The following PDS5A variants were observed in gnomAD, a reference collection of about 807,000 sequenced individuals.
PDS5A encodes PDS5 cohesin associated factor A.
A neutral mutation model predicts 167.1 loss-of-function variants in PDS5A; 42 were observed. That is an observed-to-expected ratio of 0.25 (90% CI 0.20 to 0.33). The LOEUF is 0.33. PDS5A is among the 10% of genes least tolerant of loss of function. PDS5A has a pLI of 1.00. For synonymous variants in PDS5A, 553 were observed against 554.6 expected (o/e 1.00, Z 0.04); for missense variants, 1,033 against 1,605.9 (o/e 0.64, Z 6.10).
At chr4:39,976,667 CTCT>C in intron 1 of PDS5A, 50 bp from the exon 2 acceptor site, 6 of 952,188 alleles carry the variant, frequency 6.3e-6, no homozygotes, top group Non-Finnish European at 6.3e-6. Flanking sequence ...ACTTTGTAAC[CTCT>C]TTTTTCATTT....
At chr4:39,930,938 G>T (rs776998745) in intron 2 of PDS5A, among the ~76,000 whole-genome samples, 1 of 152,154 alleles carries the variant, frequency 6.6e-6, no homozygotes, top group Non-Finnish European at 1.5e-5. Flanking sequence ...ACAAAAGAAA[G>T]AATGCAATCA....
At chr4:39,953,201 C>T (rs781450148) in intron 2 of PDS5A, among the ~76,000 whole-genome samples, 2 of 152,138 alleles carry the variant, frequency 1.3e-5, no homozygotes, top group East Asian at 1.9e-4. Flanking sequence ...ACACAACAAC[C>T]GCTCCACTAC....
chr4:39,946,093 T>C (rs1727731278), intron 2 of PDS5A, among the ~76,000 whole-genome samples: 1 of 150,668 alleles, frequency 6.6e-6, no homozygotes, highest in Non-Finnish European at 1.5e-5. Context: ...TGTAATCCCA[T>C]ATACTTGGGA....
chr4:39,906,921 A>ATT (rs367865107), intron 11 of PDS5A, among the ~76,000 whole-genome samples: 6 of 88,782 alleles, frequency 6.8e-5, no homozygotes, highest in East Asian at 6.1e-4. Context: ...CTTACATAAA[A>ATT]AAAAAAAAAA....
At position 39,866,997 on chromosome 4, in the gene PDS5A, C is replaced by A; in HGVS notation, c.2506G>T (p.Val836Leu). Residue 836 changes from valine to leucine, a missense_variant and splice_region_variant, in exon 23 of 33, where the codon GTA (valine) becomes TTA (leucine). This residue lies in a region of PDS5A where 367 missense variants were observed against 686.7 expected (regional missense o/e 0.53). Transcript: ENST00000303538. Reference protein sequence around the residue: ...EEVSPEVLAKVQAIKLLVRWL... With the variant: ...EEVSPEVLAKLQAIKLLVRWL... Reference sequence around the variant, plus strand: ...CTTACCAGAAGTTTAATTGCCTGTACCTATAAAATATTAACATGCTAAAAA... The same window carrying A: ...CTTACCAGAAGTTTAATTGCCTGTAACTATAAAATATTAACATGCTAAAAA... The A allele has an allele frequency of 6.3e-7, 1 of 1,589,030 alleles. No individual in the cohort carries two copies. The highest frequency in any genetic ancestry group is 8.5e-7 in the Non-Finnish European group (1 of 1,171,214).
At chr4:39,836,483 G>A (rs1716399738) in intron 32 of PDS5A, among the ~76,000 whole-genome samples, 1 of 152,112 alleles carries the variant, frequency 6.6e-6, no homozygotes, top group Non-Finnish European at 1.5e-5. Flanking sequence ...CGCCCAGGCT[G>A]GAGTGCAATG....
chr4:39,940,798 A>G (rs1329942953), intron 2 of PDS5A, among the ~76,000 whole-genome samples: 1 of 152,218 alleles, frequency 6.6e-6, no homozygotes, highest in African/African-American at 2.4e-5. Context: ...GTCTACAGGC[A>G]TGTGCCACTA....
chr4:39,844,818 A>G lies in PDS5A; in HGVS notation c.3403-17T>C, dbSNP rs1304066394. The G allele has an allele frequency of 6.3e-7, 1 of 1,587,876 alleles. No individual in the cohort carries two copies. Among genetic ancestry groups the G allele is most frequent in the Non-Finnish European group, 8.5e-7 (1 of 1,172,790 alleles). ...AGGCTTTGGCTAAAAACAAAAACAA[A>G]AAACCCCCCAAAAACACACACGTTT... On this transcript the variant is annotated splice_polypyrimidine_tract_variant and intron_variant, in intron 29 of 32. Transcript: ENST00000303538.
At chr4:39,922,557 T>A in intron 6 of PDS5A, 65 bp downstream of exon 6, 14 of 1,351,180 alleles carry the variant, frequency 1.0e-5, no homozygotes, top group Non-Finnish European at 1.4e-5. Context: ...ATAAAACAAC[T>A]GTTCATTCTT....
chr4:39,940,688 G>T (rs1281744751), intron 2 of PDS5A, among the ~76,000 whole-genome samples: 1 of 150,536 alleles, frequency 6.6e-6, no homozygotes, highest in Non-Finnish European at 1.5e-5. Flanking sequence ...TGGAGACAGG[G>T]TCTTGCTTTG....
chr4:39,846,151 T>C (rs539668391), intron 28 of PDS5A: 1 of 210,690 alleles, frequency 4.7e-6, no homozygotes, highest in East Asian at 1.1e-4. Flanking sequence ...CATGTTTTCA[T>C]ACGGTTCAAT....
At chr4:39,923,351 A>G (rs1725172373) in intron 5 of PDS5A, among the ~76,000 whole-genome samples, 1 of 151,598 alleles carries the variant, frequency 6.6e-6, no homozygotes, top group East Asian at 1.9e-4. Context: ...AAAAAAGAAA[A>G]AAAAAAGGAA....
In PDS5A at chr4:39,845,885, T is replaced by TAAA; in HGVS notation, c.3340-8_3340-6dup. Reference sequence around the variant, plus strand: ...ACTCTTATCGTTACAGAAGTCCTATTAAAAAAAAAAAAGAAAAAGAAAAAA... The same window carrying TAAA: ...ACTCTTATCGTTACAGAAGTCCTATTAAAAAAAAAAAAAAAGAAAAAGAAAAAA... On this transcript the variant is annotated splice_region_variant and splice_polypyrimidine_tract_variant and intron_variant, in intron 28 of 32. Transcript: ENST00000303538. The TAAA allele has an allele frequency of 1.0e-5, 10 of 1,004,252 alleles. No homozygotes were observed. Among genetic ancestry groups the TAAA allele is most frequent in the South Asian group, 4.9e-5 (2 of 41,118 alleles). The allele number at this position is 1,004,252 out of a possible 1,614,324, so 62.2% of individuals were successfully genotyped here.
chr4:39,824,313 GC>G lies in PDS5A; in HGVS notation c.*1171del, dbSNP rs1308847805. The stretch of plus-strand genomic sequence containing the variant: ...ATATGATAAAAAGATTAAAAAGACT[GC>G]CATGACATCTAGAAGCATTTATTTT... On this transcript the variant is annotated 3_prime_UTR_variant, in exon 33 of 33. Transcript: ENST00000303538. 15 of 152,120 alleles carry G rather than the reference GC, an allele frequency of 9.9e-5. No individual in the cohort carries two copies. The highest frequency in any genetic ancestry group is 3.6e-4 in the African/African-American group (15 of 41,430). 9.4% of individuals were successfully genotyped at this position (152,120 alleles called of 1,614,324 possible). A position where few individuals can be genotyped will look rare whatever the true frequency, so the allele number is the denominator to read the frequency against.
chr4:39,973,820 C>A (rs112879456), intron 2 of PDS5A: 55,492 of 1,171,608 alleles, frequency 0.047, 1,468 homozygotes, highest in Non-Finnish European at 0.053. Context: ...GCAGCTATTC[C>A]ACAGACTCAG....
At chr4:39,914,147 T>C (rs1041494383) in intron 8 of PDS5A, among the ~76,000 whole-genome samples, 3 of 151,008 alleles carry the variant, frequency 2.0e-5, no homozygotes, top group Non-Finnish European at 2.9e-5. Context: ...AATTAAAGTT[T>C]TGATATACAA....
chr4:39,938,321 G>C (rs945135642), intron 2 of PDS5A, among the ~76,000 whole-genome samples: 1 of 152,080 alleles, frequency 6.6e-6, no homozygotes, highest in Admixed American at 6.6e-5. Context: ...TTGGGAGGCC[G>C]AGGTGGGTGG....
chr4:39,891,079 G>A (rs548148298), intron 16 of PDS5A, among the ~76,000 whole-genome samples: 1 of 151,506 alleles, frequency 6.6e-6, no homozygotes, highest in African/African-American at 2.4e-5. Context: ...AGTCACTCAG[G>A]CTGGAATGCA....
In PDS5A at chr4:39,917,891, A is replaced by T. The variant is rs567673224; in HGVS notation, c.736-703T>A. On this transcript the variant is annotated intron_variant, in intron 7 of 32. Transcript: ENST00000303538. ...CGCCTGGCCTCAACCTTTGATTTTT[A>T]AAAAAATCAAAGGCACAGCAGCACA... Among the ~76,000 whole-genome samples the T allele has an allele frequency of 1.3e-4, 20 of 151,588 alleles. No homozygotes were observed. In the Middle Eastern group the frequency reaches 0.01, roughly 77 times the overall value.
Sources: gnomAD v4.1 joint callset for allele counts (sites outside exome capture counted in the v4.1 genomes callset) on GRCh38, gnomAD v4.1.1 for gene constraint, gnomAD v4.1.1 regional missense constraint, MANE v1.5 for transcripts, NCBI Gene and HGNC (gene_info 2026-07-23, HGNC 2026-07-21) for gene names.